PRKCA: variants seen among roughly 807,000 people sequenced by gnomAD.
PRKCA encodes the protein protein kinase C alpha type.
Under a neutral mutation model 87.0 loss-of-function variants are expected in PRKCA, and 27 were observed. The observed-to-expected ratio is 0.31, with a 90% CI of 0.23 to 0.43. PRKCA has a LOEUF of 0.43. PRKCA is among the 20% of genes least tolerant of loss of function. The pLI is 1.00. For synonymous variants in PRKCA, 329 were observed against 311.1 expected (o/e 1.06, Z -0.61); for missense variants, 518 against 852.3 (o/e 0.61, Z 4.88).
At chr17:66,582,438 G>A (rs141423379) in intron 3 of PRKCA, among the ~76,000 whole-genome samples, 5 of 152,186 alleles carry the variant, frequency 3.3e-5, no homozygotes, top group African/African-American at 9.6e-5. Context: ...TCATGGGGGC[G>A]GTTCCCCCCA....
chr17:66,697,874 T>C (rs1041805903), intron 8 of PRKCA, among the ~76,000 whole-genome samples: 3 of 151,256 alleles, frequency 2.0e-5, no homozygotes, highest in Non-Finnish European at 4.4e-5. Context: ...AGCTCAACTC[T>C]GTGGGATTGG....
intron 2 of PRKCA, among the ~76,000 whole-genome samples, chr17:66,396,234 T>A (rs1002368173): frequency 1.3e-4 from 20 of 152,130 alleles, no homozygotes; most frequent in Admixed American, 5.9e-4. Flanking sequence ...CAGGAGTTGG[T>A]TTAGAGTCAG....
intron 12 of PRKCA, among the ~76,000 whole-genome samples, chr17:66,742,275 G>T (rs886810745): frequency 6.6e-6 from 1 of 152,218 alleles, no homozygotes. Flanking sequence ...ACCTGGTCAT[G>T]TGTCAGACCC....
At chr17:66,702,251 G>A (rs996914913) in intron 8 of PRKCA, among the ~76,000 whole-genome samples, 79 of 151,938 alleles carry the variant, frequency 5.2e-4, no homozygotes, top group Non-Finnish European at 1.1e-3. Context: ...TCTTTAAAAA[G>A]AAGAAACATT....
intron 3 of PRKCA, among the ~76,000 whole-genome samples, chr17:66,589,211 C>G (rs1438738722): frequency 6.6e-6 from 1 of 152,064 alleles, no homozygotes; most frequent in Non-Finnish European, 1.5e-5. Context: ...AGAAGCAATT[C>G]ATTTCATTAC....
intron 3 of PRKCA, among the ~76,000 whole-genome samples, chr17:66,589,303 T>C (rs1238016408): frequency 2.6e-5 from 4 of 152,160 alleles, no homozygotes; most frequent in African/African-American, 9.7e-5. Context: ...AAACTTTTTC[T>C]AATACATATG....
chr17:66,640,482 T>C (rs1002261945), intron 3 of PRKCA, among the ~76,000 whole-genome samples: 2 of 152,338 alleles, frequency 1.3e-5, no homozygotes, highest in African/African-American at 4.8e-5. Context: ...TTTACGATTT[T>C]CATCTGACCA....
chr17:66,513,244 GT>G (rs978047460), intron 3 of PRKCA, among the ~76,000 whole-genome samples: 4 of 152,112 alleles, frequency 2.6e-5, no homozygotes, highest in African/African-American at 2.4e-5. Flanking sequence ...ATCTTATAGG[GT>G]TTTTTGTTTC....
chr17:66,671,008 G>A (rs1320810506), intron 5 of PRKCA, among the ~76,000 whole-genome samples: 3 of 151,550 alleles, frequency 2.0e-5, no homozygotes, highest in African/African-American at 4.8e-5. Flanking sequence ...TCAGGAGTTC[G>A]AGACCAGTCT....
intron 2 of PRKCA, among the ~76,000 whole-genome samples, chr17:66,466,595 AT>A (rs1384585185): frequency 1.3e-5 from 2 of 152,226 alleles, no homozygotes; most frequent in Non-Finnish European, 2.9e-5. Context: ...CACACTGAAC[AT>A]TTAAAAATAA....
chr17:66,418,498 C>T (rs571430181), intron 2 of PRKCA, among the ~76,000 whole-genome samples: 27 of 150,882 alleles, frequency 1.8e-4, no homozygotes, highest in South Asian at 1.0e-3. Flanking sequence ...TGCAGTGGCG[C>T]GATCTCAGCT....
chr17:66,723,273 C>T (rs2144167796), intron 8 of PRKCA, among the ~76,000 whole-genome samples: 1 of 152,260 alleles, frequency 6.6e-6, no homozygotes, highest in East Asian at 1.9e-4. Context: ...AGGTGCATGC[C>T]AGAAGCTTGA....
chr17:66,309,939 A>G (rs113718654), intron 2 of PRKCA, among the ~76,000 whole-genome samples: 3,704 of 152,298 alleles, frequency 0.024, 58 homozygotes, highest in Middle Eastern at 0.041. Flanking sequence ...AAAGTCAGTC[A>G]TCAGAGAACA....
chr17:66,570,650 T>C (rs1969052625), intron 3 of PRKCA, among the ~76,000 whole-genome samples: 2 of 152,200 alleles, frequency 1.3e-5, no homozygotes. Flanking sequence ...TTTTCGGGCT[T>C]TTCTGCCATG....
intron 3 of PRKCA, among the ~76,000 whole-genome samples, chr17:66,562,124 A>G (rs1239222588): frequency 0.031 from 1,036 of 33,030 alleles, 62 homozygotes; most frequent in African/African-American, 0.19. Context: ...ATAATTAAAT[A>G]TATATAATTA....
intron 3 of PRKCA, among the ~76,000 whole-genome samples, chr17:66,553,260 C>T (rs1027420127): frequency 6.6e-6 from 1 of 152,110 alleles, no homozygotes; most frequent in African/African-American, 2.4e-5. Flanking sequence ...GGGATTATAG[C>T]GTGAGCCACC....
intron 2 of PRKCA, among the ~76,000 whole-genome samples, chr17:66,437,281 T>C (rs955908565): frequency 2.0e-5 from 3 of 152,096 alleles, no homozygotes; most frequent in African/African-American, 7.2e-5. Context: ...GAAATCTGGA[T>C]CCAGGGGAAG....
intron 5 of PRKCA, among the ~76,000 whole-genome samples, chr17:66,661,826 G>C (rs1032681231): frequency 6.6e-6 from 1 of 152,216 alleles, no homozygotes; most frequent in African/African-American, 2.4e-5. Flanking sequence ...GGAAGGTGGA[G>C]CTGTTTGATC....
intron 2 of PRKCA, among the ~76,000 whole-genome samples, chr17:66,442,353 G>C (rs1385723146): frequency 6.6e-6 from 1 of 151,826 alleles, no homozygotes; most frequent in East Asian, 1.9e-4. Flanking sequence ...CACTGCACCT[G>C]CCTGTAACAT....
Sources: allele counts gnomAD v4.1 joint callset (sites outside exome capture counted in the v4.1 genomes callset), GRCh38; gene constraint gnomAD v4.1.1; transcripts MANE v1.5; gene names NCBI Gene and HGNC (gene_info 2026-07-23, HGNC 2026-07-21).